Variants in POU6F2 observed in about 807,000 individuals in gnomAD.
POU6F2 encodes POU class 6 homeobox 2.
A neutral mutation model predicts 71.3 loss-of-function variants in POU6F2; 31 were observed. That is an observed-to-expected ratio of 0.43 (90% confidence interval 0.33 to 0.59). The LOEUF is 0.59. Among genes scored for constraint, POU6F2 ranks in the 20% least tolerant of loss-of-function variants. The pLI, the probability that POU6F2 is intolerant of heterozygous loss-of-function variation, is 0.04. For missense variants in POU6F2, 783 were observed against 856.8 expected (o/e 0.91, Z 1.07); for synonymous variants, 347 against 355.7 (o/e 0.98, Z 0.27).
rs574125114 is a variant in POU6F2, at chr7:39,312,173, G to A, written c.599-27469G>A. On this transcript the variant is annotated intron_variant, in intron 4 of 9. Coordinates refer to ENST00000518318, the MANE Select transcript of POU6F2 (RefSeq NM_001370959.1). ...AATTGATTTTCCAAAGAGAATGGAC[G>A]ATGTAGTAGAAAAAAGAAAAAAAAA... is the stretch of plus-strand genomic sequence containing the variant. Among the ~76,000 whole-genome samples the A allele has an allele frequency of 4.9e-3, 593 of 122,032 alleles. 2 individuals carry two copies. The highest frequency in any genetic ancestry group is 0.016 in the African/African-American group (535 of 32,904). The allele number at this position is 122,032 out of a possible 152,430, so 80.1% of individuals were successfully genotyped here.
chr7:39,313,214 C>G (rs944156365), intron 4 of POU6F2, among the ~76,000 whole-genome samples: 1 of 152,164 alleles, frequency 6.6e-6, no homozygotes, highest in South Asian at 2.1e-4. Flanking sequence ...CTTCCCTCCT[C>G]CTGATCCCCA....
intron 5 of POU6F2, among the ~76,000 whole-genome samples, chr7:39,382,203 A>C (rs1289007857): frequency 6.6e-6 from 1 of 152,182 alleles, no homozygotes; most frequent in African/African-American, 2.4e-5. Context: ...AACAAGTAAC[A>C]AGAGAAAAAG....
intron 5 of POU6F2, among the ~76,000 whole-genome samples, chr7:39,340,420 G>A (rs1785893005): frequency 6.6e-6 from 1 of 152,162 alleles, no homozygotes; most frequent in South Asian, 2.1e-4. Context: ...AGGCATGGTG[G>A]TTATTTCTCT....
chr7:39,051,715 T>A (rs185338794), intron 1 of POU6F2, among the ~76,000 whole-genome samples: 4 of 152,256 alleles, frequency 2.6e-5, no homozygotes, highest in Admixed American at 2.6e-4. Context: ...TAGATTATTC[T>A]GTTAAAACAG....
At chr7:39,271,838 TAA>T (rs34675814) in intron 4 of POU6F2, among the ~76,000 whole-genome samples, 97 of 149,900 alleles carry the variant, frequency 6.5e-4, no homozygotes, top group African/African-American at 2.3e-3. Context: ...TTTTAAACTA[TAA>T]AAAAAAAATC....
At chr7:39,377,035 G>A (rs1210834636) in intron 5 of POU6F2, among the ~76,000 whole-genome samples, 3 of 147,652 alleles carry the variant, frequency 2.0e-5, no homozygotes, top group Non-Finnish European at 4.5e-5. Flanking sequence ...TATATAAAGT[G>A]AATTAAAATC....
At chr7:39,160,957 G>A (rs1792982050) in intron 2 of POU6F2, among the ~76,000 whole-genome samples, 1 of 152,112 alleles carries the variant, frequency 6.6e-6, no homozygotes, top group African/African-American at 2.4e-5. Context: ...GTTGAATTGA[G>A]TTCATGGCAG....
At chr7:39,027,728 C>A (rs900056509) in intron 1 of POU6F2, among the ~76,000 whole-genome samples, 1 of 152,154 alleles carries the variant, frequency 6.6e-6, no homozygotes, top group African/African-American at 2.4e-5. Context: ...CCTTCTCTTC[C>A]CCCATAAACA....
intron 2 of POU6F2, among the ~76,000 whole-genome samples, chr7:39,108,518 C>T (rs1791739063): frequency 6.6e-6 from 1 of 152,278 alleles, no homozygotes; most frequent in South Asian, 2.1e-4. Context: ...AGGGGAGGCT[C>T]TGGGGTACCC....
intron 2 of POU6F2, among the ~76,000 whole-genome samples, chr7:39,201,773 T>C (rs1004490175): frequency 1.3e-5 from 2 of 152,232 alleles, no homozygotes; most frequent in Non-Finnish European, 2.9e-5. Context: ...AGCTAAGTGT[T>C]GCTTCAAATC....
intron 1 of POU6F2, among the ~76,000 whole-genome samples, chr7:39,011,244 C>G: frequency 6.8e-6 from 1 of 147,508 alleles, no homozygotes; most frequent in Non-Finnish European, 1.5e-5. Flanking sequence ...ATAGTTAGCT[C>G]TTCTTGTTGA....
chr7:38,990,360 C>G (rs1230005733), intron 1 of POU6F2, among the ~76,000 whole-genome samples: 1 of 152,004 alleles, frequency 6.6e-6, no homozygotes, highest in Non-Finnish European at 1.5e-5. Context: ...ACATTGTGGC[C>G]CTGGAGATGG....
intron 4 of POU6F2, among the ~76,000 whole-genome samples, chr7:39,220,205 G>A (rs1794320759): frequency 6.6e-6 from 1 of 152,138 alleles, no homozygotes; most frequent in Admixed American, 6.5e-5. Flanking sequence ...TTATGAAACC[G>A]TGAAAGGTGT....
intron 9 of POU6F2, among the ~76,000 whole-genome samples, chr7:39,461,398 C>T (rs1788946236): frequency 6.6e-6 from 1 of 152,110 alleles, no homozygotes; most frequent in Non-Finnish European, 1.5e-5. Context: ...GAAGCAGGCC[C>T]CGTGCATGCA....
intron 5 of POU6F2, among the ~76,000 whole-genome samples, chr7:39,341,059 C>T (rs539734849): frequency 4.6e-5 from 7 of 152,262 alleles, no homozygotes; most frequent in African/African-American, 1.2e-4. Context: ...TCAGTCAGTC[C>T]GGCTCTCCCC....
At chr7:39,180,972 AG>A (rs1793423751) in intron 2 of POU6F2, among the ~76,000 whole-genome samples, 1 of 152,164 alleles carries the variant, frequency 6.6e-6, no homozygotes, top group Admixed American at 6.5e-5. Flanking sequence ...AGACAATTAG[AG>A]CAGAATTGCT....
intron 6 of POU6F2, among the ~76,000 whole-genome samples, chr7:39,424,450 T>A (rs1485007739): frequency 1.3e-5 from 2 of 152,188 alleles, no homozygotes; most frequent in African/African-American, 4.8e-5. Flanking sequence ...TGCTTTTCAT[T>A]ATGCCAATAT....
At chr7:39,105,107 A>G (rs979631151) in intron 2 of POU6F2, among the ~76,000 whole-genome samples, 3 of 152,242 alleles carry the variant, frequency 2.0e-5, no homozygotes, top group Non-Finnish European at 4.4e-5. Flanking sequence ...CAGAGGGCAG[A>G]TGGAATCTAG....
At chr7:39,101,866 A>T (rs1339008583) in intron 2 of POU6F2, among the ~76,000 whole-genome samples, 3 of 152,206 alleles carry the variant, frequency 2.0e-5, no homozygotes, top group East Asian at 1.9e-4. Flanking sequence ...CAATTAAAAA[A>T]TTTAAAACAA....
Sources: allele counts gnomAD v4.1 joint callset (sites outside exome capture counted in the v4.1 genomes callset), GRCh38; gene constraint gnomAD v4.1.1; transcripts MANE v1.5; gene names NCBI Gene and HGNC (gene_info 2026-07-23, HGNC 2026-07-21).